SZRD1: variants seen among roughly 807,000 people sequenced by gnomAD.
The protein encoded by SZRD1 is SUZ RNA binding domain containing 1.
SZRD1 carries 7 observed loss-of-function variants against 17.6 expected under a neutral mutation model. The ratio of observed to expected loss-of-function variants is 0.40; its 90% confidence interval spans 0.23 to 0.75. The LOEUF (loss-of-function observed/expected upper bound fraction) is 0.75. SZRD1 is among the 30% of genes least tolerant of loss of function. SZRD1 has a pLI of 0.38. For synonymous variants in SZRD1, 77 were observed against 77.9 expected, an observed-to-expected ratio of 0.99 and a Z score of 0.06; for missense variants, 178 against 201.8, an observed-to-expected ratio of 0.88 and a Z score of 0.71.
Position 16,391,563 on chromosome 1 carries a change from A to G in SZRD1, c.101+139A>G. 1.4e-6 allele frequency: 1 copy of G among 722,750 alleles called. No homozygotes were observed. Among genetic ancestry groups the G allele is most frequent in the South Asian group, 1.8e-5 (1 of 55,016 alleles). The allele number at this position is 722,750 out of a possible 1,614,324, so 44.8% of individuals were successfully genotyped here. A position where few individuals can be genotyped will look rare whatever the true frequency, so the allele number is the denominator to read the frequency against. On this transcript the variant is annotated intron_variant, in intron 2 of 3. Transcript: ENST00000401088. The surrounding 1 kb of genome is among the most constrained non-coding windows in gnomAD (Gnocchi z 4.3). ...TGGGGCAGCAAACCCTTCCCTCCAAATTGGAGACCAGGACGTGGTGGCTTG... is the reference window on the plus strand; with the variant it reads ...TGGGGCAGCAAACCCTTCCCTCCAAGTTGGAGACCAGGACGTGGTGGCTTG...
Position 16,369,636 on chromosome 1 carries a change from C to T in SZRD1, c.51+2328C>T, listed in dbSNP as rs560588798. The T allele has an allele frequency of 5.1e-5, 29 of 567,374 alleles. No homozygotes were observed. The Admixed American group carries it at 8.3e-4, about 16-fold the overall frequency. 35.1% of individuals were successfully genotyped at this position (567,374 alleles called of 1,614,324 possible). A position where few individuals can be genotyped will look rare whatever the true frequency, so the allele number is the denominator to read the frequency against. On this transcript the variant is annotated intron_variant, in intron 1 of 3. Transcript: ENST00000401088. ...AGGTGCTGTGGCTCACGCCTGTAAT[C>T]CCAGCACTGTGGGAGGCTGAGGTGG...
chr1:16,388,232 G>A (rs779588502), intron 1 of SZRD1, among the ~76,000 whole-genome samples: 25 of 152,116 alleles, frequency 1.6e-4, no homozygotes, highest in Non-Finnish European at 3.2e-4. Context: ...TCCTGCCTCA[G>A]CCTCCTGAGT....
At position 16,367,277 on chromosome 1, in the gene SZRD1, C is replaced by G; in HGVS notation, c.20C>G (p.Ala7Gly). Residue 7 changes from alanine to glycine, a missense_variant, in exon 1 of 4, where the codon GCT becomes GGT. Transcript: ENST00000401088. The stretch of plus-strand genomic sequence containing the variant: ...AGTAAGATGGAAGATGAGGAGGTCG[C>G]TGAGAGCTGGGAAGAGGCGGCAGAC... MEDEEV[A>G]ESWEEAADSG... 1 of 1,548,858 alleles carries G rather than the reference C, an allele frequency of 6.5e-7. No homozygotes were observed. Among genetic ancestry groups the G allele is most frequent in the East Asian group, 2.4e-5 (1 of 40,852 alleles).
At chr1:16,374,067 G>A (rs1314209860) in intron 1 of SZRD1, among the ~76,000 whole-genome samples, 1 of 152,146 alleles carries the variant, frequency 6.6e-6, no homozygotes, top group Non-Finnish European at 1.5e-5. Context: ...ACAAAAAAAG[G>A]CTATGGGTAG....
chr1:16,394,790 A>G (rs779244555), intron 3 of SZRD1, among the ~76,000 whole-genome samples: 2 of 152,078 alleles, frequency 1.3e-5, no homozygotes, highest in Non-Finnish European at 1.5e-5. Context: ...CCCCATCTCT[A>G]CTAAAATTAC....
chr1:16,376,084 A>T (rs2082998853), intron 1 of SZRD1, among the ~76,000 whole-genome samples: 1 of 152,150 alleles, frequency 6.6e-6, no homozygotes, highest in Non-Finnish European at 1.5e-5. Flanking sequence ...GCATTTTTAC[A>T]ATCATTAGCA....
chr1:16,374,076 A>G (rs1298778681), intron 1 of SZRD1, among the ~76,000 whole-genome samples: 1 of 152,202 alleles, frequency 6.6e-6, no homozygotes, highest in Non-Finnish European at 1.5e-5. Flanking sequence ...GGCTATGGGT[A>G]GTGGGAAAAA....
In SZRD1 at chr1:16,391,360, A is replaced by AT. The variant is rs1348064609; in HGVS notation, c.52-8dup. Reference sequence around the variant, plus strand: ...GAGATTTTTTCCTCTTTTTATATACATTTTTTTCCTCTAGGAAATAGACAG... The same window carrying AT: ...GAGATTTTTTCCTCTTTTTATATACATTTTTTTTCCTCTAGGAAATAGACAG... On this transcript the variant is annotated splice_polypyrimidine_tract_variant and intron_variant, in intron 1 of 3. Transcript: ENST00000401088. The surrounding 1 kb of genome is among the most constrained non-coding windows in gnomAD (Gnocchi z 4.3). 2.6e-6 allele frequency: 4 copies of AT among 1,530,632 alleles called. No individual in the cohort carries two copies. The East Asian group carries it at 7.4e-5, about 28-fold the overall frequency. The allele number at this position is 1,530,632 out of a possible 1,614,324, so 94.8% of individuals were successfully genotyped here. A position where few individuals can be genotyped will look rare whatever the true frequency, so the allele number is the denominator to read the frequency against.
intron 1 of SZRD1, among the ~76,000 whole-genome samples, chr1:16,373,030 A>G (rs1054132165): frequency 2.0e-5 from 3 of 151,032 alleles, no homozygotes; most frequent in African/African-American, 7.4e-5. Context: ...CAAAGCAGGC[A>G]TGGATGAGGA....
rs1237482940 is a variant in SZRD1 at position 16,395,724 on chromosome 1, T to C, written c.*584T>C. 6.4e-6 allele frequency: 1 copy of C among 156,442 alleles called. No homozygotes were observed. Among genetic ancestry groups the C allele is most frequent in the East Asian group, 1.9e-4 (1 of 5,242 alleles). 9.7% of individuals were successfully genotyped at this position (156,442 alleles called of 1,614,324 possible). A position where few individuals can be genotyped will look rare whatever the true frequency, so the allele number is the denominator to read the frequency against. The stretch of plus-strand genomic sequence containing the variant: ...TAATTAAGAAAGGGTAGTTTGGTAG[T>C]CTACTTAAAAATGTTTCTGGGAAAT... On this transcript the variant is annotated 3_prime_UTR_variant, in exon 4 of 4. Coordinates refer to ENST00000401088, the MANE Select transcript of SZRD1 (RefSeq NM_001114600.3).
chr1:16,367,686 G>A, intron 1 of SZRD1: 1 of 251,400 alleles, frequency 4.0e-6, no homozygotes, highest in Non-Finnish European at 7.7e-6. Flanking sequence ...TGACCGGGAC[G>A]GACACACCAT....
intron 1 of SZRD1, among the ~76,000 whole-genome samples, chr1:16,373,274 T>G (rs576873273): frequency 6.6e-5 from 10 of 151,556 alleles, no homozygotes; most frequent in African/African-American, 1.9e-4. Flanking sequence ...TAGCTAGATT[T>G]ATTTATTTAT....
chr1:16,373,236 T>G (rs1382655117), intron 1 of SZRD1, among the ~76,000 whole-genome samples: 1 of 151,910 alleles, frequency 6.6e-6, no homozygotes, highest in Non-Finnish European at 1.5e-5. Context: ...TTGAAGTTTT[T>G]TTTTTTTTTT....
rs1286352679 is a variant in SZRD1 at position 16,368,183 on chromosome 1, TTGTC to T, written c.51+879_51+882del. On this transcript the variant is annotated intron_variant, in intron 1 of 3. Coordinates refer to ENST00000401088, the MANE Select transcript of SZRD1 (RefSeq NM_001114600.3). ...GTGAATAATTTGGTCTTTTCAGAGTTTGTCTGTGGTGACCCTTGTGAATATGGGG... is the reference window on the plus strand; with the variant it reads ...GTGAATAATTTGGTCTTTTCAGAGTTTGTGGTGACCCTTGTGAATATGGGG... Among the ~76,000 whole-genome samples, 13 of 152,330 alleles carry T rather than the reference TTGTC, an allele frequency of 8.5e-5. No individual in the cohort carries two copies. The East Asian group carries it at 1.5e-3, about 18-fold the overall frequency.
intron 1 of SZRD1, among the ~76,000 whole-genome samples, chr1:16,374,010 A>G (rs1185874683): frequency 1.3e-5 from 2 of 152,200 alleles, no homozygotes; most frequent in Non-Finnish European, 2.9e-5. Flanking sequence ...TGGGGTCCCC[A>G]ATGCTTTGTG....
At chr1:16,373,235 T>G (rs1426589035) in intron 1 of SZRD1, among the ~76,000 whole-genome samples, 5 of 151,742 alleles carry the variant, frequency 3.3e-5, no homozygotes, top group African/African-American at 4.8e-5. Context: ...TTTGAAGTTT[T>G]TTTTTTTTTT....
In SZRD1 at chr1:16,367,585, A is replaced by AC. The variant is rs568549574; in HGVS notation, c.51+283dup. On this transcript the variant is annotated intron_variant, in intron 1 of 3. Coordinates refer to ENST00000401088, the MANE Select transcript of SZRD1 (RefSeq NM_001114600.3). ...CCGCCACCCGGGGCCTCCTTTCCTG[A>AC]CCCCCCGCGCCCACTTGCTGGCCGT... The AC allele has an allele frequency of 3.5e-3, 1,695 of 480,610 alleles. 53 individuals carry two copies. In the South Asian group the frequency reaches 0.048, roughly 14 times the overall value. 29.8% of individuals were successfully genotyped at this position (480,610 alleles called of 1,614,324 possible).
chr1:16,379,945 A>G (rs1557625163), intron 1 of SZRD1, among the ~76,000 whole-genome samples: 1 of 151,996 alleles, frequency 6.6e-6, no homozygotes, highest in Non-Finnish European at 1.5e-5. Flanking sequence ...TATTTTTAGT[A>G]GAGACAGGGC....
At chr1:16,370,520 C>T (rs1243716385) in intron 1 of SZRD1, among the ~76,000 whole-genome samples, 1 of 150,998 alleles carries the variant, frequency 6.6e-6, no homozygotes, top group Non-Finnish European at 1.5e-5. Flanking sequence ...AGCCGCTGCA[C>T]CTGGCCTTTT....
Sources: gnomAD v4.1 joint callset for allele counts (sites outside exome capture counted in the v4.1 genomes callset) on GRCh38, gnomAD v4.1.1 for gene constraint, Gnocchi (gnomAD v3.1) non-coding constraint, MANE v1.5 for transcripts, NCBI Gene and HGNC (gene_info 2026-07-23, HGNC 2026-07-21) for gene names.